The following PTPRJ variants were observed in gnomAD, a reference collection of about 807,000 sequenced individuals.
PTPRJ encodes the protein protein tyrosine phosphatase receptor type J.
PTPRJ carries 129 observed loss-of-function variants against 141.3 expected under a neutral mutation model. The observed-to-expected ratio is 0.91, with a 90% CI of 0.79 to 1.06. The LOEUF is 1.06. Ranked by LOEUF, PTPRJ falls within the 50% of genes least tolerant of loss-of-function variation. PTPRJ has a pLI of 0.00. For missense variants in PTPRJ, 1,601 were observed against 1,679.7 expected (o/e 0.95, Z 0.82); for synonymous variants, 610 against 640.5 (o/e 0.95, Z 0.72).
At chr11:48,050,791 C>G (rs80310183) in intron 1 of PTPRJ, among the ~76,000 whole-genome samples, 10 of 152,100 alleles carry the variant, frequency 6.6e-5, no homozygotes, top group African/African-American at 2.2e-4. Flanking sequence ...CCTCCTGTTA[C>G]GCCATGAATT....
Position 48,137,081 on chromosome 11 carries a change from C to T in PTPRJ, c.1952C>T (p.Ala651Val), listed in dbSNP as rs759942525. ...TTAAGTTGGCAGAACTTTGATGACG[C>T]CTCTCCCACGTACTCCTACTGCCTT... ...ATLSWQNFDD[A>V]SPTYSYCLLI... Residue 651 changes from alanine to valine, a missense_variant, in exon 10 of 25, where the codon GCC (alanine) becomes GTC (valine). Physicochemically the swap from Ala to Val is moderately conservative, Grantham distance 64 (BLOSUM62 0). Coordinates refer to ENST00000418331, the MANE Select transcript of PTPRJ (RefSeq NM_002843.4). 1 of 1,604,780 alleles carries T rather than the reference C, an allele frequency of 6.2e-7. No individual in the cohort carries two copies. The highest frequency in any genetic ancestry group is 8.5e-7 in the Non-Finnish European group (1 of 1,171,492).
At chr11:47,997,289 G>T (rs967141060) in intron 1 of PTPRJ, among the ~76,000 whole-genome samples, 5 of 152,244 alleles carry the variant, frequency 3.3e-5, no homozygotes, top group Admixed American at 6.5e-5. Context: ...TGAAGTACTG[G>T]TGTGGATGGC....
chr11:48,050,166 A>G (rs1854527027), intron 1 of PTPRJ, among the ~76,000 whole-genome samples: 1 of 152,206 alleles, frequency 6.6e-6, no homozygotes, highest in South Asian at 2.1e-4. Flanking sequence ...GTGTATGCAC[A>G]CAGACTGTAT....
chr11:48,023,220 A>G (rs1853705571), intron 1 of PTPRJ, among the ~76,000 whole-genome samples: 1 of 152,188 alleles, frequency 6.6e-6, no homozygotes, highest in Non-Finnish European at 1.5e-5. Flanking sequence ...AGCCTGAACA[A>G]AACAGCTGTT....
intron 18 of PTPRJ, among the ~76,000 whole-genome samples, chr11:48,151,948 T>C (rs1266951356): frequency 7.9e-5 from 12 of 152,254 alleles, no homozygotes; most frequent in Non-Finnish European, 1.5e-4. Flanking sequence ...TTATAATCCT[T>C]TGGGTATATA....
intron 1 of PTPRJ, among the ~76,000 whole-genome samples, chr11:48,087,856 C>G (rs928331920): frequency 6.6e-6 from 1 of 152,228 alleles, no homozygotes; most frequent in African/African-American, 2.4e-5. Context: ...TCCCTGCCTT[C>G]CCCTCACCTG....
intron 1 of PTPRJ, among the ~76,000 whole-genome samples, chr11:48,106,134 A>G (rs1209320075): frequency 6.6e-6 from 1 of 152,164 alleles, no homozygotes; most frequent in Non-Finnish European, 1.5e-5. Context: ...GGGAGAGGCA[A>G]CCAGGTATAT....
chr11:48,037,539 C>T (rs61914719), intron 1 of PTPRJ, among the ~76,000 whole-genome samples: 22,685 of 152,126 alleles, frequency 0.15, 1,919 homozygotes, highest in African/African-American at 0.21. Context: ...CGGCCAGGCG[C>T]GGTGGCTCAC....
In PTPRJ at chr11:48,123,606, A is replaced by G; in HGVS notation, c.617-7A>G. The G allele has an allele frequency of 1.2e-6, 2 of 1,610,176 alleles. No individual in the cohort carries two copies. The highest frequency in any genetic ancestry group is 1.3e-5 in the African/African-American group (1 of 74,782). ...TTCCATTAATGCATGTTGTATTTTTAAAATAGAGCCGATCCCAGTTTCTGA... is the reference window on the plus strand; with the variant it reads ...TTCCATTAATGCATGTTGTATTTTTGAAATAGAGCCGATCCCAGTTTCTGA... On this transcript the variant is annotated splice_polypyrimidine_tract_variant and splice_region_variant and intron_variant, in intron 4 of 24. Coordinates refer to ENST00000418331, the MANE Select transcript of PTPRJ (RefSeq NM_002843.4).
intron 23 of PTPRJ, among the ~76,000 whole-genome samples, chr11:48,164,098 G>C (rs1376466894): frequency 6.6e-6 from 1 of 152,174 alleles, no homozygotes; most frequent in Non-Finnish European, 1.5e-5. Context: ...CCGCCATCCT[G>C]GGTTATGGGC....
chr11:48,042,759 G>C (rs112899731), intron 1 of PTPRJ, among the ~76,000 whole-genome samples: 3 of 146,392 alleles, frequency 2.0e-5, no homozygotes, highest in African/African-American at 7.7e-5. Context: ...TGTGTGTAGG[G>C]GTGTGTGTGT....
At position 48,136,063 on chromosome 11, in the gene PTPRJ, A is replaced by G. The variant is rs891719576; in HGVS notation, c.1640A>G (p.His547Arg). 1 of 1,614,084 alleles carries G rather than the reference A, an allele frequency of 6.2e-7. No individual in the cohort carries two copies. The highest frequency in any genetic ancestry group is 8.5e-7 in the Non-Finnish European group (1 of 1,180,002). ...RTVPSAVFDI[H>R]VVYVTTTEMW... Reference sequence around the variant, plus strand: ...GTTCCCAGTGCAGTGTTTGACATCCACGTGGTCTACGTCACCACCACGGAG... The same window carrying G: ...GTTCCCAGTGCAGTGTTTGACATCCGCGTGGTCTACGTCACCACCACGGAG... The change falls in exon 9 of 25, where the codon CAC becomes CGC. Residue 547 changes from histidine (H) to arginine (R), a missense_variant. By Grantham distance (29) the His-to-Arg change is conservative. Transcript: ENST00000418331.
chr11:48,067,090 G>A (rs1314234341), intron 1 of PTPRJ, among the ~76,000 whole-genome samples: 1 of 152,178 alleles, frequency 6.6e-6, no homozygotes, highest in Non-Finnish European at 1.5e-5. Flanking sequence ...CTGCAGTGGG[G>A]AATACAGAAA....
intron 1 of PTPRJ, among the ~76,000 whole-genome samples, chr11:48,104,536 A>G (rs939857899): frequency 6.6e-6 from 1 of 152,180 alleles, no homozygotes; most frequent in Non-Finnish European, 1.5e-5. Flanking sequence ...TAAAGAGTCT[A>G]TTGTTACCCA....
intron 1 of PTPRJ, among the ~76,000 whole-genome samples, chr11:48,023,458 C>T (rs1401505154): frequency 2.6e-5 from 4 of 152,124 alleles, no homozygotes; most frequent in Admixed American, 2.6e-4. Flanking sequence ...TCAGAGTTTT[C>T]TTTGGGTTTT....
chr11:48,000,825 G>A (rs1304005568), intron 1 of PTPRJ, among the ~76,000 whole-genome samples: 1 of 151,898 alleles, frequency 6.6e-6, no homozygotes, highest in Non-Finnish European at 1.5e-5. Flanking sequence ...GAGTTCAGGG[G>A]AGTGGGACCC....
chr11:48,127,672 A>G (rs1297020868), intron 6 of PTPRJ, 108 bp from the exon 7 acceptor site: 1 of 1,176,740 alleles, frequency 8.5e-7, no homozygotes, highest in South Asian at 1.4e-5. Context: ...GGAGGAAGGA[A>G]CACTCCCCCA....
At chr11:48,053,045 C>T (rs1379970691) in intron 1 of PTPRJ, among the ~76,000 whole-genome samples, 2 of 138,638 alleles carry the variant, frequency 1.4e-5, no homozygotes, top group African/African-American at 5.5e-5. Flanking sequence ...TCTGTGTTTC[C>T]AGATATTGTT....
At chr11:48,010,187 A>AT (rs1006193402) in intron 1 of PTPRJ, among the ~76,000 whole-genome samples, 7 of 151,104 alleles carry the variant, frequency 4.6e-5, no homozygotes, top group South Asian at 2.1e-4. Context: ...TTATTTATTT[A>AT]TTTTTTTTGA....
Sources: gnomAD v4.1 joint callset for allele counts (sites outside exome capture counted in the v4.1 genomes callset) on GRCh38, gnomAD v4.1.1 for gene constraint, MANE v1.5 for transcripts, NCBI Gene and HGNC (gene_info 2026-07-23, HGNC 2026-07-21) for gene names.